The following PCDH7 variants were observed in gnomAD, a reference collection of about 807,000 sequenced individuals.
The protein encoded by PCDH7 is protocadherin-7.
PCDH7 carries 17 observed loss-of-function variants against 58.9 expected under a neutral mutation model. The ratio of observed to expected loss-of-function variants is 0.29; its 90% CI spans 0.20 to 0.43. The LOEUF (loss-of-function observed/expected upper bound fraction) is 0.43. Ranked by LOEUF, PCDH7 falls within the 20% of genes least tolerant of loss-of-function variation. The probability of loss-of-function intolerance (pLI) is 1.00; values close to 1 mark genes in which losing one functional copy is unlikely to be tolerated. For synonymous variants in PCDH7, 664 were observed against 616.4 expected, an observed-to-expected ratio of 1.08 and a Z score of -1.14; for missense variants, 1,274 against 1,441.0, an observed-to-expected ratio of 0.88 and a Z score of 1.88.
rs545072003 is a variant in PCDH7, at chr4:30,994,514, A to C, written c.*7+44299A>C. On this transcript the variant is annotated intron_variant, in intron 3 of 3. Transcript: ENST00000509759. ...AAACTCAAATTTGAAAAGATAGGTG[A>C]TAAAAACCAAGTTTGCATAGAATTT... Among the ~76,000 whole-genome samples, 17 of 152,338 alleles carry C rather than the reference A, an allele frequency of 1.1e-4. No individual in the cohort carries two copies. The South Asian group carries it at 3.5e-3, about 32-fold the overall frequency.
At chr4:30,757,882 A>C (rs10019730) in intron 1 of PCDH7, among the ~76,000 whole-genome samples, 6,181 of 152,290 alleles carry the variant, frequency 0.041, 304 homozygotes, top group African/African-American at 0.12. Context: ...GACTGAAAGC[A>C]ACAAACATTC....
intron 1 of PCDH7, among the ~76,000 whole-genome samples, chr4:30,815,671 A>C (rs1727582856): frequency 6.6e-6 from 1 of 152,204 alleles, no homozygotes; most frequent in African/African-American, 2.4e-5. Context: ...GGAAGATCAT[A>C]CACCAGTAAA....
chr4:30,734,521 A>G (rs1046431996), downstream of PCDH7, among the ~76,000 whole-genome samples: 16 of 152,312 alleles, frequency 1.1e-4, no homozygotes, highest in African/African-American at 3.1e-4. Flanking sequence ...GGCTTGTGCC[A>G]CTGCGCCTGG....
chr4:31,050,767 A>G (rs1320246630), intron 3 of PCDH7, among the ~76,000 whole-genome samples: 3 of 152,194 alleles, frequency 2.0e-5, no homozygotes, highest in Non-Finnish European at 4.4e-5. Flanking sequence ...AATTAAGTAG[A>G]TAACATTTGT....
At position 30,797,521 on chromosome 4, in the gene PCDH7, G is replaced by A. The variant is rs141893240; in HGVS notation, c.70+72925G>A. On this transcript the variant is annotated intron_variant, in intron 1 of 3. Coordinates refer to the PCDH7 transcript ENST00000509759. ...GATTTCCTGACCTCGTGATCTGCCC[G>A]CCTCGGTCTCCCAAAGTGCTGGGAT... Among the ~76,000 whole-genome samples, 400 of 152,140 alleles carry A rather than the reference G, an allele frequency of 2.6e-3. 1 individual carries two copies. Among genetic ancestry groups the A allele is most frequent in the African/African-American group, 9.3e-3 (384 of 41,506 alleles).
At chr4:30,781,736 A>T (rs891116971) in intron 1 of PCDH7, among the ~76,000 whole-genome samples, 4 of 151,190 alleles carry the variant, frequency 2.6e-5, no homozygotes, top group African/African-American at 7.3e-5. Flanking sequence ...GTGTTTCTCC[A>T]TGTTGGGCAG....
At chr4:30,879,875 T>C (rs887439862) in intron 1 of PCDH7, among the ~76,000 whole-genome samples, 11 of 152,136 alleles carry the variant, frequency 7.2e-5, no homozygotes, top group Admixed American at 6.6e-4. Context: ...ATTTTTTGGA[T>C]TATAGACCTC....
intron 3 of PCDH7, among the ~76,000 whole-genome samples, chr4:30,992,001 A>T (rs533591243): frequency 2.0e-5 from 3 of 152,314 alleles, no homozygotes; most frequent in African/African-American, 7.2e-5. Context: ...GAAATCAAAC[A>T]GATGAATGAT....
chr4:31,102,396 TGA>T (rs1291102395), intron 3 of PCDH7, among the ~76,000 whole-genome samples: 47 of 152,110 alleles, frequency 3.1e-4, no homozygotes, highest in African/African-American at 1.1e-3. Context: ...AGATTTAACG[TGA>T]AAATGAAATG....
downstream of PCDH7, among the ~76,000 whole-genome samples, chr4:30,734,583 A>G (rs773647267): frequency 8.5e-5 from 13 of 152,306 alleles, no homozygotes; most frequent in South Asian, 6.2e-4. Flanking sequence ...GAGTGAAGAT[A>G]CAACAACAAC....
chr4:30,785,781 A>G (rs1723312627), intron 1 of PCDH7, among the ~76,000 whole-genome samples: 1 of 152,006 alleles, frequency 6.6e-6, no homozygotes, highest in Admixed American at 6.6e-5. Context: ...TAAGTGGAAT[A>G]TTTCTCTTCT....
chr4:31,091,934 C>G (rs1713305820), intron 3 of PCDH7, among the ~76,000 whole-genome samples: 1 of 151,810 alleles, frequency 6.6e-6, no homozygotes, highest in Non-Finnish European at 1.5e-5. Flanking sequence ...ATTGTGAAAT[C>G]ATAATCAAGC....
chr4:30,851,397 C>T (rs1197582203), intron 1 of PCDH7, among the ~76,000 whole-genome samples: 1 of 151,880 alleles, frequency 6.6e-6, no homozygotes, highest in Non-Finnish European at 1.5e-5. Context: ...GCTCCCAAAT[C>T]TATATTTTTC....
intron 1 of PCDH7, among the ~76,000 whole-genome samples, chr4:30,885,605 G>T (rs1444758690): frequency 6.6e-6 from 1 of 152,080 alleles, no homozygotes; most frequent in African/African-American, 2.4e-5. Flanking sequence ...TTTCTTCAAA[G>T]AATTGGAAAA....
intron 1 of PCDH7, among the ~76,000 whole-genome samples, chr4:30,728,850 A>G (rs1715034047): frequency 6.6e-6 from 1 of 151,320 alleles, no homozygotes; most frequent in Non-Finnish European, 1.5e-5. Flanking sequence ...GGTTTATATC[A>G]CAAACTCTGT....
Position 30,723,807 on chromosome 4 carries a change from T to G in PCDH7, c.2385T>G (p.Asp795Glu). ...ATCCCTTCAAGCTGTTTGAAATTGA[T>G]CCCACTAGTGGTGTGGTTTCCTTAG... The change falls in exon 1 of 2, where the codon GAT (aspartate) becomes GAG (glutamate). Residue 795 changes from aspartate (D) to glutamate (E), a missense_variant. Asp to Glu is a conservative substitution (Grantham distance 45). Transcript: ENST00000361762. The surrounding 1 kb of genome is among the most constrained non-coding windows in gnomAD (Gnocchi z 4.6). 1.2e-6 allele frequency: 2 copies of G among 1,614,138 alleles called. No homozygotes were observed. The highest frequency in any genetic ancestry group is 2.2e-5 in the South Asian group (2 of 91,080).
chr4:30,773,173 G>A (rs1282635310), intron 1 of PCDH7, among the ~76,000 whole-genome samples: 1 of 152,198 alleles, frequency 6.6e-6, no homozygotes, highest in Non-Finnish European at 1.5e-5. Context: ...AAAATGTTGG[G>A]ATTACAGTCA....
Position 31,011,647 on chromosome 4 carries a change from T to C in PCDH7, c.*7+61432T>C, listed in dbSNP as rs1422496467. Reference sequence around the variant, plus strand: ...CAGAAAAGGCTGGGGTATATATGAATTGTCTGAATTGTTTTTAATAAATAA... The same window carrying C: ...CAGAAAAGGCTGGGGTATATATGAACTGTCTGAATTGTTTTTAATAAATAA... On this transcript the variant is annotated intron_variant, in intron 3 of 3. Transcript: ENST00000509759. Among the ~76,000 whole-genome samples the C allele has an allele frequency of 2.6e-5, 4 of 152,050 alleles. No homozygotes were observed. In the East Asian group the frequency reaches 7.7e-4, roughly 29 times the overall value.
At chr4:30,836,300 T>C (rs953683333) in intron 1 of PCDH7, among the ~76,000 whole-genome samples, 1 of 152,172 alleles carries the variant, frequency 6.6e-6, no homozygotes, top group Admixed American at 6.6e-5. Context: ...ACAATGGGAA[T>C]AAAATGTTTG....
Sources: gnomAD v4.1 joint callset for allele counts (sites outside exome capture counted in the v4.1 genomes callset) on GRCh38, gnomAD v4.1.1 for gene constraint, Gnocchi (gnomAD v3.1) non-coding constraint, MANE v1.5 for transcripts, NCBI Gene and HGNC (gene_info 2026-07-23, HGNC 2026-07-21) for gene names.